The following TLK1 variants were observed in gnomAD, a reference collection of about 807,000 sequenced individuals.
The protein encoded by TLK1 is serine/threonine-protein kinase tousled-like 1.
In TLK1, 24 loss-of-function variants were observed where a neutral mutation model predicts 105.3. The ratio of observed to expected loss-of-function variants is 0.23; its 90% CI spans 0.17 to 0.32. The LOEUF (loss-of-function observed/expected upper bound fraction) is 0.32, where lower values mean the gene tolerates loss of function less well. Among genes scored for constraint, TLK1 ranks in the 10% least tolerant of loss-of-function variants. The pLI is 1.00. For missense variants in TLK1, 558 were observed against 910.5 expected (o/e 0.61, Z 4.98); for synonymous variants, 321 against 310.4 (o/e 1.03, Z -0.36).
At chr2:171,216,895 A>G (rs1693724132) in intron 1 of TLK1, among the ~76,000 whole-genome samples, 1 of 152,238 alleles carries the variant, frequency 6.6e-6, no homozygotes. Flanking sequence ...GCCAAGGAAG[A>G]ATTTTCCTAT....
intron 13 of TLK1, among the ~76,000 whole-genome samples, chr2:171,011,915 A>G (rs1684934303): frequency 6.6e-6 from 1 of 152,008 alleles, no homozygotes; most frequent in Non-Finnish European, 1.5e-5. Context: ...AAATAAATTA[A>G]CCACCAATTT....
intron 1 of TLK1, among the ~76,000 whole-genome samples, chr2:171,189,887 A>T (rs967785398): frequency 1.3e-5 from 2 of 152,182 alleles, no homozygotes; most frequent in Non-Finnish European, 2.9e-5. Flanking sequence ...GTGAGCCAAG[A>T]TCATGCCACT....
intron 2 of TLK1, among the ~76,000 whole-genome samples, chr2:171,100,578 AAT>A (rs1315880976): frequency 6.6e-6 from 1 of 152,152 alleles, no homozygotes; most frequent in African/African-American, 2.4e-5. Flanking sequence ...CCAAGAGCTA[AAT>A]AAGCCTCTTT....
At chr2:171,103,153 G>C (rs1689763606) in intron 2 of TLK1, among the ~76,000 whole-genome samples, 1 of 151,972 alleles carries the variant, frequency 6.6e-6, no homozygotes, top group African/African-American at 2.4e-5. Context: ...TCCTGATTTA[G>C]AGGAAGGCCT....
At chr2:170,998,704 A>G (rs1044202022) in intron 18 of TLK1, among the ~76,000 whole-genome samples, 6 of 152,250 alleles carry the variant, frequency 3.9e-5, no homozygotes. Context: ...TTCAAGCACT[A>G]GCAGTGTCTG....
chr2:171,148,211 C>G (rs937488680), intron 1 of TLK1, among the ~76,000 whole-genome samples: 4 of 152,038 alleles, frequency 2.6e-5, no homozygotes, highest in Non-Finnish European at 4.4e-5. Context: ...CTGTAAAGCA[C>G]TATATTGCAA....
intron 2 of TLK1, among the ~76,000 whole-genome samples, chr2:171,084,298 T>A (rs888944197): frequency 6.6e-6 from 1 of 152,132 alleles, no homozygotes; most frequent in Non-Finnish European, 1.5e-5. Context: ...CACGGTTACA[T>A]TTAAAAAGTG....
chr2:171,052,426 T>C (rs1292905262), intron 8 of TLK1, among the ~76,000 whole-genome samples: 1 of 152,214 alleles, frequency 6.6e-6, no homozygotes. Flanking sequence ...AAGAATGTTC[T>C]TAGAACTGTT....
chr2:171,143,398 C>T (rs1462954525), intron 1 of TLK1, among the ~76,000 whole-genome samples: 3 of 150,834 alleles, frequency 2.0e-5, no homozygotes, highest in Non-Finnish European at 3.0e-5. Context: ...CCCACCTACT[C>T]GGGAGGCTGA....
intron 3 of TLK1, among the ~76,000 whole-genome samples, chr2:171,073,102 A>G (rs901074016): frequency 6.6e-6 from 1 of 152,140 alleles, no homozygotes; most frequent in Non-Finnish European, 1.5e-5. Flanking sequence ...ATCAGTTCTA[A>G]TAATTTTTTG....
intron 3 of TLK1, among the ~76,000 whole-genome samples, chr2:171,065,540 TC>T (rs937280820): frequency 5.4e-5 from 3 of 55,640 alleles, no homozygotes; most frequent in African/African-American, 1.7e-4. Context: ...GGCTATTCTT[TC>T]TTTTTTTTTT....
At chr2:171,218,450 A>G (rs1693753972) in intron 1 of TLK1, among the ~76,000 whole-genome samples, 1 of 152,258 alleles carries the variant, frequency 6.6e-6, no homozygotes, top group African/African-American at 2.4e-5. Flanking sequence ...TGGTTGTACA[A>G]CAATGAAAAT....
chr2:171,067,329 T>TC (rs1269529207), intron 3 of TLK1, among the ~76,000 whole-genome samples: 4 of 150,506 alleles, frequency 2.7e-5, no homozygotes, highest in African/African-American at 9.8e-5. Context: ...CCAGCTTGTT[T>TC]TTTTTGTATT....
chr2:171,181,764 A>G (rs974826516), intron 1 of TLK1, among the ~76,000 whole-genome samples: 2 of 152,150 alleles, frequency 1.3e-5, no homozygotes, highest in Non-Finnish European at 2.9e-5. Context: ...TCATGACCCA[A>G]ACACCTCCCA....
chr2:171,067,413 G>A (rs935448241), intron 3 of TLK1, among the ~76,000 whole-genome samples: 1 of 151,450 alleles, frequency 6.6e-6, no homozygotes, highest in Admixed American at 6.6e-5. Flanking sequence ...CACCCGCCTC[G>A]GCCTCCCAAA....
Position 171,197,704 on chromosome 2 carries a change from G to A in TLK1, c.-6+33441C>T, listed in dbSNP as rs528788220. Among the ~76,000 whole-genome samples, 346 of 152,196 alleles carry A rather than the reference G, an allele frequency of 2.3e-3. 1 individual carries two copies. Among genetic ancestry groups the A allele is most frequent in the African/African-American group, 7.7e-3 (321 of 41,532 alleles). ...CGAGGCAAGAGAATGGCTTGAACCC[G>A]GGAGGCAGAAGTTGTAGGGAGCCAA... On this transcript the variant is annotated intron_variant, in intron 1 of 20. Coordinates refer to the TLK1 transcript ENST00000521943.
rs10196202 is a variant in TLK1 at position 170,997,968 on chromosome 2, G to T, written c.1905-145C>A. ...GTGAAAATCATCAACTGAACTTCTGGAGCATTTACATTCTTTTATCATTTA... is the reference window on the plus strand; with the variant it reads ...GTGAAAATCATCAACTGAACTTCTGTAGCATTTACATTCTTTTATCATTTA... On this transcript the variant is annotated intron_variant, in intron 18 of 20. Coordinates refer to ENST00000431350, the MANE Select transcript of TLK1 (RefSeq NM_012290.5). 6 of 491,150 alleles carry T rather than the reference G, an allele frequency of 1.2e-5. No individual in the cohort carries two copies. In the South Asian group the frequency reaches 1.6e-4, roughly 13 times the overall value. The allele number at this position is 491,150 out of a possible 1,614,324, so 30.4% of individuals were successfully genotyped here.
At chr2:171,002,143 A>G (rs915640821) in intron 18 of TLK1, among the ~76,000 whole-genome samples, 1 of 152,078 alleles carries the variant, frequency 6.6e-6, no homozygotes, top group East Asian at 1.9e-4. Flanking sequence ...TGTTATCTTG[A>G]CATTTTAAAA....
At chr2:171,226,691 A>T (rs978628530) in intron 1 of TLK1, among the ~76,000 whole-genome samples, 1 of 152,180 alleles carries the variant, frequency 6.6e-6, no homozygotes, top group African/African-American at 2.4e-5. Context: ...TAGTTTTATA[A>T]TTCTGGCTGA....
Sources: gnomAD v4.1 joint callset for allele counts (sites outside exome capture counted in the v4.1 genomes callset) on GRCh38, gnomAD v4.1.1 for gene constraint, MANE v1.5 for transcripts, NCBI Gene and HGNC (gene_info 2026-07-23, HGNC 2026-07-21) for gene names.